BCAR1: variants seen among roughly 807,000 people sequenced by gnomAD.
The protein encoded by BCAR1 is breast cancer anti-estrogen resistance protein 1.
A neutral mutation model predicts 67.6 loss-of-function variants in BCAR1; 30 were observed. The ratio of observed to expected loss-of-function variants is 0.44; its 90% CI spans 0.33 to 0.60. The LOEUF is 0.60. Among genes scored for constraint, BCAR1 ranks in the 20% least tolerant of loss-of-function variants. BCAR1 has a pLI of 0.02. For missense variants in BCAR1, 1,313 were observed against 1,222.3 expected (o/e 1.07, Z -1.11); for synonymous variants, 626 against 556.7 (o/e 1.12, Z -1.75).
At chr16:75,248,453 C>G in intron 1 of BCAR1, 1 of 852,956 alleles carries the variant, frequency 1.2e-6, no homozygotes, top group Non-Finnish European at 1.5e-6. Context: ...GCCCAACTGG[C>G]CATCCGCACC....
upstream of BCAR1, chr16:75,252,351 T>A: frequency 6.5e-7 from 1 of 1,529,828 alleles, no homozygotes; most frequent in Admixed American, 2.0e-5. Flanking sequence ...CCCTCCTGAG[T>A]CCTGCTCCAA....
At chr16:75,245,982 T>G (rs2077509456) in intron 1 of BCAR1, 1 of 132,086 alleles carries the variant, frequency 7.6e-6, no homozygotes, top group African/African-American at 2.8e-5. Context: ...TTTTTTTTTT[T>G]TTTTTTTTTT....
intron 2 of BCAR1, chr16:75,238,255 G>A: frequency 8.6e-7 from 1 of 1,166,992 alleles, no homozygotes; most frequent in Non-Finnish European, 1.1e-6. Context: ...CCTTGGGGAG[G>A]TCAAGGCCTC....
At chr16:75,267,980 T>C in exon 1 of BCAR1, 1 of 1,583,630 alleles carries the variant, frequency 6.3e-7, no homozygotes, top group African/African-American at 1.3e-5. Context: ...GGGCAGTGCA[T>C]GCCCTCTCCT....
At chr16:75,250,603 T>C (rs1345943198) in intron 1 of BCAR1, 5 of 980,734 alleles carry the variant, frequency 5.1e-6, no homozygotes, top group Admixed American at 6.2e-5. Flanking sequence ...AACCCCAACA[T>C]CTTCCAGGCC....
upstream of BCAR1, chr16:75,252,190 G>A (rs1367341838): frequency 1.1e-5 from 17 of 1,536,060 alleles, no homozygotes; most frequent in Admixed American, 3.3e-4. Flanking sequence ...CAAGCAGGGA[G>A]GCTGGCGAGC....
intron 6 of BCAR1, 80 bp downstream of exon 6, chr16:75,233,766 G>A (rs1251856598): frequency 2.8e-6 from 4 of 1,415,370 alleles, no homozygotes; most frequent in East Asian, 5.0e-5. Flanking sequence ...GGGGACCCGG[G>A]GTCGGCCCTG....
intron 6 of BCAR1, among the ~76,000 whole-genome samples, chr16:75,231,005 G>C (rs1242080982): frequency 6.6e-6 from 1 of 151,798 alleles, no homozygotes; most frequent in Non-Finnish European, 1.5e-5. Context: ...AGCCCTGACA[G>C]AGCACAGGCA....
chr16:75,235,204 G>C lies in BCAR1; in HGVS notation c.1695C>G (p.Gly565=). 1.2e-6 allele frequency: 2 copies of C among 1,608,244 alleles called. No individual in the cohort carries two copies. Among genetic ancestry groups the C allele is most frequent in the South Asian group, 1.1e-5 (1 of 91,014 alleles). The change falls in exon 5 of 7, where the codon GGC becomes GGG. Residue 565 remains glycine, a synonymous_variant. Coordinates refer to ENST00000162330, the MANE Select transcript of BCAR1 (RefSeq NM_014567.5). The part of the protein sequence containing the change: ...LVAHGQALDA[G]RGGSGATLED... ...CAAGGGTGGCTCCAGAGCCTCCCCG[G>C]CCAGCGTCGAGGGCCTGACCATGTG... is the stretch of plus-strand genomic sequence containing the variant.
At chr16:75,248,067 G>C (rs764187548) in intron 1 of BCAR1, 3 of 1,566,576 alleles carry the variant, frequency 1.9e-6, no homozygotes, top group East Asian at 2.2e-5. Context: ...CATCTTACTA[G>C]ACAGGAAAAC....
intron 1 of BCAR1, chr16:75,264,422 T>A: frequency 6.5e-7 from 1 of 1,528,578 alleles, no homozygotes; most frequent in Non-Finnish European, 8.8e-7. Flanking sequence ...GGCTGGCCAG[T>A]CCCCTGAGGC....
chr16:75,240,275 A>T (rs2077293293), intron 2 of BCAR1, among the ~76,000 whole-genome samples: 1 of 152,132 alleles, frequency 6.6e-6, no homozygotes, highest in South Asian at 2.1e-4. Flanking sequence ...TGGGAGACTC[A>T]GTTTCCCAGG....
intron 2 of BCAR1, among the ~76,000 whole-genome samples, 173 bp downstream of exon 2, chr16:75,242,297 T>TC (rs1205250425): frequency 7.9e-5 from 12 of 152,134 alleles, no homozygotes. Flanking sequence ...ACATCCATCT[T>TC]CCCCGGACAA....
chr16:75,237,352 C>A lies in BCAR1; in HGVS notation c.634-8G>T, dbSNP rs777167754. 2 of 1,460,762 alleles carry A rather than the reference C, an allele frequency of 1.4e-6. No homozygotes were observed. Among genetic ancestry groups the A allele is most frequent in the Admixed American group, 2.9e-5 (1 of 34,792 alleles). 90.5% of individuals were successfully genotyped at this position (1,460,762 alleles called of 1,614,324 possible). On this transcript the variant is annotated splice_polypyrimidine_tract_variant and splice_region_variant and intron_variant, in intron 2 of 6. Coordinates refer to ENST00000162330, the MANE Select transcript of BCAR1 (RefSeq NM_014567.5). The stretch of plus-strand genomic sequence containing the variant: ...GCGGGTGGGCACCACCACCTGGGGG[C>A]AGAGAGCCGACTTCACTGCTGCCCT...
chr16:75,258,400 A>C (rs1360516873), intron 1 of BCAR1, among the ~76,000 whole-genome samples: 1 of 152,230 alleles, frequency 6.6e-6, no homozygotes, highest in African/African-American at 2.4e-5. Flanking sequence ...GGCTGGTTGC[A>C]GTCACTTTCA....
intron 1 of BCAR1, among the ~76,000 whole-genome samples, chr16:75,267,426 T>A: frequency 6.8e-6 from 1 of 147,276 alleles, no homozygotes; most frequent in African/African-American, 2.7e-5. Flanking sequence ...GACCGACAGC[T>A]GCCACCTCCT....
intron 3 of BCAR1, 59 bp downstream of exon 3, chr16:75,237,124 C>T (rs1220436706): frequency 1.3e-6 from 2 of 1,500,962 alleles, no homozygotes; most frequent in Admixed American, 2.3e-5. Context: ...CGGCCCAGGG[C>T]CAAGCAGAGG....
intron 2 of BCAR1, among the ~76,000 whole-genome samples, chr16:75,239,733 C>T (rs2077272225): frequency 6.6e-6 from 1 of 152,164 alleles, no homozygotes; most frequent in Non-Finnish European, 1.5e-5. Flanking sequence ...CTCACCCGAC[C>T]TGGGTCATGG....
chr16:75,247,972 C>A, intron 1 of BCAR1: 4 of 865,728 alleles, frequency 4.6e-6, no homozygotes, highest in South Asian at 4.0e-5. Context: ...CAGCACAGTT[C>A]CTCCCTGCGG....
Sources: gnomAD v4.1 joint callset for allele counts (sites outside exome capture counted in the v4.1 genomes callset) on GRCh38, gnomAD v4.1.1 for gene constraint, MANE v1.5 for transcripts, NCBI Gene and HGNC (gene_info 2026-07-23, HGNC 2026-07-21) for gene names.